Variants in ZHX2 observed in about 807,000 individuals in gnomAD.
ZHX2 encodes the protein zinc fingers and homeoboxes protein 2.
In ZHX2, 6 loss-of-function variants were observed where a neutral mutation model predicts 21.9. The ratio of observed to expected loss-of-function variants is 0.27; its 90% confidence interval spans 0.15 to 0.54. The LOEUF is 0.54. Ranked by LOEUF, ZHX2 falls within the 20% of genes least tolerant of loss-of-function variation. The pLI is 0.95. For missense variants in ZHX2, 908 were observed against 1,090.7 expected (o/e 0.83, Z 2.36); for synonymous variants, 434 against 437.1 (o/e 0.99, Z 0.09).
At chr8:122,955,322 T>C (rs1275819536) in intron 3 of ZHX2, among the ~76,000 whole-genome samples, 1 of 152,092 alleles carries the variant, frequency 6.6e-6, no homozygotes, top group African/African-American at 2.4e-5. Context: ...CAGAGGTCAC[T>C]TAAAATACCA....
At chr8:122,780,700 C>G (rs570474238), upstream of ZHX2, 125 of 152,320 alleles carry the variant, frequency 8.2e-4, no homozygotes, top group African/African-American at 2.7e-3. Flanking sequence ...TGGGGGCTGC[C>G]GCGGTGAGAG....
chr8:122,787,662 T>C (rs886114530), intron 1 of ZHX2, among the ~76,000 whole-genome samples: 11 of 152,306 alleles, frequency 7.2e-5, no homozygotes, highest in Admixed American at 3.3e-4. Flanking sequence ...GTTAGCTCTT[T>C]CTTTGGGAGG....
chr8:122,920,438 CTA>C (rs1820711291), intron 2 of ZHX2, among the ~76,000 whole-genome samples: 1 of 151,808 alleles, frequency 6.6e-6, no homozygotes, highest in Non-Finnish European at 1.5e-5. Flanking sequence ...GTGTACAATT[CTA>C]TGAGTTTTGA....
chr8:122,828,096 A>G lies in ZHX2; in HGVS notation c.-282-35381A>G, dbSNP rs2130662490. Among the ~76,000 whole-genome samples the G allele has an allele frequency of 6.6e-6, 1 of 152,344 alleles. No individual in the cohort carries two copies. The highest frequency in any genetic ancestry group is 2.1e-4 in the South Asian group (1 of 4,832). ...TCCACTGCACTCCAGCCTGGGCGAC[A>G]GTGAGACCCTGTCTCTAAATAAATA... is the stretch of plus-strand genomic sequence containing the variant. On this transcript the variant is annotated intron_variant, in intron 1 of 3. Coordinates refer to ENST00000314393, the MANE Select transcript of ZHX2 (RefSeq NM_014943.5). The surrounding 1 kb of genome is among the most constrained non-coding windows in gnomAD (Gnocchi z 5.2).
Position 122,826,019 on chromosome 8 carries a change from G to A in ZHX2, c.-282-37458G>A, listed in dbSNP as rs369883344. Among the ~76,000 whole-genome samples, 65 of 152,218 alleles carry A rather than the reference G, an allele frequency of 4.3e-4. No homozygotes were observed. The South Asian group carries it at 0.012, about 28-fold the overall frequency. On this transcript the variant is annotated intron_variant, in intron 1 of 3. Transcript: ENST00000314393. ...CTCAGAAAAGAAGCCCATTATTCCC[G>A]AATCTGTGACTCTAAGGGTGATCAC...
intron 1 of ZHX2, among the ~76,000 whole-genome samples, chr8:122,857,569 C>G (rs1274331633): frequency 1.3e-5 from 2 of 152,204 alleles, no homozygotes; most frequent in African/African-American, 4.8e-5. Flanking sequence ...GGAACACAGG[C>G]TCTTCTGTAC....
chr8:122,946,555 C>T (rs1233322824), intron 2 of ZHX2, among the ~76,000 whole-genome samples: 1 of 152,112 alleles, frequency 6.6e-6, no homozygotes, highest in Non-Finnish European at 1.5e-5. Flanking sequence ...CACTATTCAC[C>T]TCATTTCGGG....
At chr8:122,833,512 C>A (rs561528519) in intron 1 of ZHX2, among the ~76,000 whole-genome samples, 2 of 152,016 alleles carry the variant, frequency 1.3e-5, no homozygotes, top group Non-Finnish European at 2.9e-5. Flanking sequence ...GAGTTAACTA[C>A]GGGCGGCGGA....
intron 2 of ZHX2, among the ~76,000 whole-genome samples, chr8:122,929,294 G>T (rs1461748750): frequency 3.9e-5 from 6 of 152,132 alleles, no homozygotes; most frequent in Non-Finnish European, 8.8e-5. Context: ...CTTCTCATTT[G>T]TGTGTAGGGT....
At chr8:122,831,492 C>A in intron 1 of ZHX2, among the ~76,000 whole-genome samples, 1 of 152,216 alleles carries the variant, frequency 6.6e-6, no homozygotes, top group South Asian at 2.1e-4. Context: ...CCTTCTTTGA[C>A]ATACCATGGT....
intron 2 of ZHX2, among the ~76,000 whole-genome samples, chr8:122,891,219 A>C (rs187772142): frequency 1.7e-3 from 251 of 143,594 alleles, no homozygotes; most frequent in African/African-American, 5.3e-3. Context: ...TTTAATCTTC[A>C]TTATTGATCT....
chr8:122,798,102 T>C (rs1336012882), intron 1 of ZHX2, among the ~76,000 whole-genome samples: 1 of 152,122 alleles, frequency 6.6e-6, no homozygotes, highest in Non-Finnish European at 1.5e-5. Flanking sequence ...GCCAGACCGG[T>C]CTAGCTGATT....
chr8:122,876,882 G>C (rs1462040115), intron 2 of ZHX2, among the ~76,000 whole-genome samples: 1 of 152,190 alleles, frequency 6.6e-6, no homozygotes, highest in East Asian at 1.9e-4. Context: ...GCAACAAGCA[G>C]TTGCAGGGAT....
intron 3 of ZHX2, among the ~76,000 whole-genome samples, chr8:122,964,255 A>G (rs1813525794): frequency 6.6e-6 from 1 of 152,142 alleles, no homozygotes; most frequent in Admixed American, 6.5e-5. Context: ...ACTTTTCCCC[A>G]TTTAATGTAA....
chr8:122,958,099 G>A (rs1019533023), intron 3 of ZHX2, among the ~76,000 whole-genome samples: 5 of 152,188 alleles, frequency 3.3e-5, no homozygotes, highest in African/African-American at 9.7e-5. Context: ...GAAGGGGGAG[G>A]AACTTGAGCA....
intron 1 of ZHX2, among the ~76,000 whole-genome samples, chr8:122,843,995 T>C (rs1818696998): frequency 7.2e-6 from 1 of 139,698 alleles, no homozygotes; most frequent in Non-Finnish European, 1.6e-5. Flanking sequence ...ACACACATCA[T>C]GCTTCTGATT....
rs1448928049 is a variant in ZHX2, at chr8:122,951,293, T to A, written c.-218T>A. On this transcript the variant is annotated splice_region_variant and 5_prime_UTR_variant, in exon 3 of 4. Transcript: ENST00000314393. ...CCCTGTCTTTGTTCTTGTCCACAGATATGATGCTTCCTGGTGTGTTTAGTG... is the reference window on the plus strand; with the variant it reads ...CCCTGTCTTTGTTCTTGTCCACAGAAATGATGCTTCCTGGTGTGTTTAGTG... 3.6e-6 allele frequency: 2 copies of A among 554,374 alleles called. No individual in the cohort carries two copies. The highest frequency in any genetic ancestry group is 6.5e-5 in the Admixed American group (2 of 30,968). The allele number at this position is 554,374 out of a possible 1,614,324, so 34.3% of individuals were successfully genotyped here. A position where few individuals can be genotyped will look rare whatever the true frequency, so the allele number is the denominator to read the frequency against.
chr8:122,857,982 C>A (rs546254791), intron 1 of ZHX2, among the ~76,000 whole-genome samples: 2 of 152,178 alleles, frequency 1.3e-5, no homozygotes, highest in Non-Finnish European at 2.9e-5. Flanking sequence ...ATTTTCTGCC[C>A]TTCTGAGTGA....
chr8:122,915,359 C>T (rs1820575548), intron 2 of ZHX2, among the ~76,000 whole-genome samples: 1 of 152,184 alleles, frequency 6.6e-6, no homozygotes, highest in South Asian at 2.1e-4. Flanking sequence ...TGCAGCTGCT[C>T]CCTCCCACTT....
Sources: allele counts gnomAD v4.1 joint callset (sites outside exome capture counted in the v4.1 genomes callset), GRCh38; gene constraint gnomAD v4.1.1; non-coding constraint Gnocchi (gnomAD v3.1); transcripts MANE v1.5; gene names NCBI Gene and HGNC (gene_info 2026-07-23, HGNC 2026-07-21).